Variants in MCTP2 observed in about 807,000 individuals in gnomAD.
MCTP2 encodes multiple C2 and transmembrane domain-containing protein 2.
A neutral mutation model predicts 111.6 loss-of-function variants in MCTP2; 132 were observed. That is an observed-to-expected ratio of 1.18 (90% CI 1.03 to 1.37). The LOEUF (loss-of-function observed/expected upper bound fraction) is 1.37, where lower values mean the gene tolerates loss of function less well. Among genes scored for constraint, MCTP2 ranks in the 40% most tolerant of loss-of-function variants. The pLI, the probability that MCTP2 is intolerant of heterozygous loss-of-function variation, is 0.00. For missense variants in MCTP2, 1,183 were observed against 1,067.9 expected (o/e 1.11, Z -1.50); for synonymous variants, 395 against 387.7 (o/e 1.02, Z -0.22).
chr15:94,261,127 C>T (rs1596209240), intron 1 of MCTP2, among the ~76,000 whole-genome samples: 1 of 152,282 alleles, frequency 6.6e-6, no homozygotes, highest in East Asian at 1.9e-4. Flanking sequence ...CCCACCCCTG[C>T]TTCAAGTTGT....
chr15:94,314,400 T>A, intron 3 of MCTP2, 56 bp downstream of exon 3: 1 of 1,288,816 alleles, frequency 7.8e-7, no homozygotes, highest in Non-Finnish European at 1.1e-6. Flanking sequence ...TCTCATCAAA[T>A]GTTTGGGTTT....
intron 21 of MCTP2, among the ~76,000 whole-genome samples, chr15:94,475,874 G>C (rs540250364): frequency 6.6e-6 from 1 of 151,806 alleles, no homozygotes; most frequent in South Asian, 2.1e-4. Context: ...AGCCACCAAA[G>C]AGGGACGGTC....
intron 1 of MCTP2, among the ~76,000 whole-genome samples, chr15:94,236,654 T>A (rs1364086156): frequency 6.6e-6 from 1 of 152,168 alleles, no homozygotes; most frequent in East Asian, 1.9e-4. Context: ...ATGTGGTCAC[T>A]GGTTGCCTGC....
At chr15:94,319,373 G>A (rs2076525262) in intron 4 of MCTP2, among the ~76,000 whole-genome samples, 1 of 152,140 alleles carries the variant, frequency 6.6e-6, no homozygotes, top group African/African-American at 2.4e-5. Context: ...AGACTCAGAA[G>A]TTTTATCTAA....
chr15:94,326,813 G>A lies in MCTP2; in HGVS notation c.637+11176G>A, dbSNP rs1372385504. Among the ~76,000 whole-genome samples the A allele has an allele frequency of 2.3e-4, 9 of 39,076 alleles. 1 individual carries two copies. Among genetic ancestry groups the A allele is most frequent in the Non-Finnish European group, 4.3e-4 (8 of 18,544 alleles). The allele number at this position is 39,076 out of a possible 152,430, so 25.6% of individuals were successfully genotyped here. A position where few individuals can be genotyped will look rare whatever the true frequency, so the allele number is the denominator to read the frequency against. On this transcript the variant is annotated intron_variant, in intron 4 of 22. Transcript: ENST00000357742. ...GAACTCTTGACCTCAGGTGATCCCC[G>A]CCCCACCCCCCCCCAACCTCGGCCT...
intron 1 of MCTP2, among the ~76,000 whole-genome samples, chr15:94,249,798 T>A (rs1020025094): frequency 2.6e-5 from 4 of 152,292 alleles, no homozygotes; most frequent in East Asian, 3.9e-4. Context: ...ATCTTTTTTT[T>A]AATAACAGCT....
At chr15:94,308,714 C>CTT (rs76169169) in intron 2 of MCTP2, among the ~76,000 whole-genome samples, 170 of 151,598 alleles carry the variant, frequency 1.1e-3, no homozygotes, top group African/African-American at 4.0e-3. Context: ...GGTTGATAAA[C>CTT]TTTTTTTTTA....
chr15:94,346,936 T>A (rs909517564), intron 8 of MCTP2, among the ~76,000 whole-genome samples: 14 of 152,104 alleles, frequency 9.2e-5, no homozygotes, highest in African/African-American at 3.4e-4. Flanking sequence ...ATCATGGTAG[T>A]TTCTCGAATT....
At chr15:94,279,661 G>T (rs774447450) in intron 1 of MCTP2, among the ~76,000 whole-genome samples, 2 of 152,124 alleles carry the variant, frequency 1.3e-5, no homozygotes, top group African/African-American at 2.4e-5. Context: ...CTGAATAGGA[G>T]TGGTGAGAGT....
rs114494612 is a variant in MCTP2 at position 94,312,675 on chromosome 15, G to T, written c.466-1607G>T. Among the ~76,000 whole-genome samples the T allele has an allele frequency of 2.6e-5, 4 of 152,264 alleles. No individual in the cohort carries two copies. In the South Asian group the frequency reaches 8.3e-4, roughly 32 times the overall value. On this transcript the variant is annotated intron_variant, in intron 2 of 22. Transcript: ENST00000357742. ...GGGGAAAGAGGCAAGGGTAAGAACC[G>T]CAGATTACAAGAACCTTAGGGCCTC... is the stretch of plus-strand genomic sequence containing the variant.
At chr15:94,408,367 A>G (rs1310894649) in intron 17 of MCTP2, among the ~76,000 whole-genome samples, 2 of 152,256 alleles carry the variant, frequency 1.3e-5, no homozygotes. Context: ...CCATATACAC[A>G]TATATGCAAA....
intron 20 of MCTP2, among the ~76,000 whole-genome samples, chr15:94,460,089 T>C (rs193042100): frequency 1.3e-5 from 2 of 152,150 alleles, no homozygotes; most frequent in Admixed American, 1.3e-4. Context: ...CCTCAAGAAA[T>C]CTCTATTTCA....
chr15:94,313,925 G>T (rs1349870834), intron 2 of MCTP2, among the ~76,000 whole-genome samples: 2 of 152,200 alleles, frequency 1.3e-5, no homozygotes, highest in South Asian at 4.1e-4. Flanking sequence ...CACATCGGAG[G>T]CTGGGGGCCG....
At chr15:94,314,496 C>T (rs527567038) in intron 3 of MCTP2, 152 bp downstream of exon 3, 30 of 607,822 alleles carry the variant, frequency 4.9e-5, no homozygotes, top group Non-Finnish European at 5.6e-5. Context: ...TGCAAATTTT[C>T]GCTGGAGGAG....
intron 19 of MCTP2, among the ~76,000 whole-genome samples, chr15:94,444,615 A>T (rs114031380): frequency 3.9e-4 from 60 of 152,308 alleles, no homozygotes; most frequent in African/African-American, 1.3e-3. Context: ...CTTGCTCTGG[A>T]GCTATTTTAG....
intron 1 of MCTP2, among the ~76,000 whole-genome samples, chr15:94,249,403 C>T (rs1411348308): frequency 1.3e-5 from 2 of 151,986 alleles, no homozygotes; most frequent in African/African-American, 4.8e-5. Context: ...ATGGTAATAC[C>T]AGCCTAGAGC....
In MCTP2 at chr15:94,481,636, G is replaced by C. The variant is rs1379672043; in HGVS notation, c.*2602G>C. Reference sequence around the variant, plus strand: ...CTTCCAAAGTCTCCTGCCCCAAAGAGGCTTAGTTAGTCCTGTGGCTGGATG... The same window carrying C: ...CTTCCAAAGTCTCCTGCCCCAAAGACGCTTAGTTAGTCCTGTGGCTGGATG... On this transcript the variant is annotated 3_prime_UTR_variant, in exon 23 of 23. Transcript: ENST00000357742. The C allele has an allele frequency of 6.6e-6, 1 of 152,252 alleles. No individual in the cohort carries two copies. The highest frequency in any genetic ancestry group is 1.9e-4 in the East Asian group (1 of 5,200). The allele number at this position is 152,252 out of a possible 1,614,324, so 9.4% of individuals were successfully genotyped here. A position where few individuals can be genotyped will look rare whatever the true frequency, so the allele number is the denominator to read the frequency against.
intron 1 of MCTP2, among the ~76,000 whole-genome samples, chr15:94,276,813 T>A (rs1415274631): frequency 6.8e-6 from 1 of 146,016 alleles, no homozygotes; most frequent in Admixed American, 6.9e-5. Flanking sequence ...TCAGCACTTG[T>A]CCATCTTAAG....
intron 4 of MCTP2, among the ~76,000 whole-genome samples, chr15:94,330,676 C>T (rs752083466): frequency 2.0e-5 from 3 of 152,086 alleles, no homozygotes; most frequent in East Asian, 1.9e-4. Flanking sequence ...GTTTCTAAGC[C>T]GAAGTTCACA....
Sources: allele counts gnomAD v4.1 joint callset (sites outside exome capture counted in the v4.1 genomes callset), GRCh38; gene constraint gnomAD v4.1.1; transcripts MANE v1.5; gene names NCBI Gene and HGNC (gene_info 2026-07-23, HGNC 2026-07-21).